The following ZNF98 variants were observed in gnomAD, a reference collection of about 807,000 sequenced individuals.
ZNF98 encodes the protein zinc finger protein 98.
ZNF98 carries 8 observed loss-of-function variants against 12.8 expected under a neutral mutation model. The ratio of observed to expected loss-of-function variants is 0.63; its 90% confidence interval spans 0.37 to 1.13. ZNF98 has a LOEUF of 1.13. Among genes scored for constraint, ZNF98 ranks in the 50% most tolerant of loss-of-function variants. The pLI, the probability that ZNF98 is intolerant of heterozygous loss-of-function variation, is 0.01. For missense variants in ZNF98, 379 were observed against 666.1 expected (o/e 0.57, Z 4.74); for synonymous variants, 112 against 223.5 (o/e 0.50, Z 4.45).
In ZNF98 at chr19:22,415,097, G is replaced by A. The variant is rs111912694; in HGVS notation, c.30+7098C>T. ...TGAAAAAGATTTTTTTTTCAAAGAA[G>A]ACACACATGTGGCTAACAAGCATAT... On this transcript the variant is annotated intron_variant, in intron 1 of 3. Transcript: ENST00000357774. Among the ~76,000 whole-genome samples, 511 of 150,830 alleles carry A rather than the reference G, an allele frequency of 3.4e-3. 5 individuals are homozygous for A. The highest frequency in any genetic ancestry group is 0.012 in the African/African-American group (496 of 41,158).
chr19:22,404,047 T>G (rs1177081894), intron 1 of ZNF98, among the ~76,000 whole-genome samples: 1 of 152,100 alleles, frequency 6.6e-6, no homozygotes, highest in African/African-American at 2.4e-5. Flanking sequence ...AGTGAAACCC[T>G]GGCTCTACTA....
intron 1 of ZNF98, among the ~76,000 whole-genome samples, chr19:22,413,253 T>TAA (rs34089940): frequency 1.3e-5 from 2 of 151,258 alleles, no homozygotes; most frequent in Non-Finnish European, 2.9e-5. Flanking sequence ...TTAGGCAAGA[T>TAA]AAAAAAATAA....
chr19:22,400,409 C>G (rs1369312217), intron 3 of ZNF98, among the ~76,000 whole-genome samples: 13 of 152,090 alleles, frequency 8.5e-5, no homozygotes, highest in Non-Finnish European at 1.8e-4. Context: ...TATGCAGACC[C>G]AAGTGCAGAA....
chr19:22,414,239 A>AAAAAG (rs1386406075), intron 1 of ZNF98, among the ~76,000 whole-genome samples: 96 of 64,826 alleles, frequency 1.5e-3, no homozygotes, highest in African/African-American at 3.2e-3. Context: ...TCTCAAAAAA[A>AAAAAG]AAAAAAAAAA....
intron 1 of ZNF98, among the ~76,000 whole-genome samples, chr19:22,420,661 C>G (rs1192431981): frequency 6.6e-6 from 1 of 151,070 alleles, no homozygotes; most frequent in African/African-American, 2.4e-5. Flanking sequence ...GACTTAGGAG[C>G]TGATATTCAC....
intron 1 of ZNF98, among the ~76,000 whole-genome samples, chr19:22,421,309 A>C (rs1969700809): frequency 6.6e-6 from 1 of 152,228 alleles, no homozygotes; most frequent in African/African-American, 2.4e-5. Flanking sequence ...GAAGAAACTG[A>C]AAATTCAGTA....
chr19:22,398,296 AGTT>A (rs1470166852), intron 3 of ZNF98, among the ~76,000 whole-genome samples: 17 of 152,284 alleles, frequency 1.1e-4, no homozygotes, highest in Middle Eastern at 3.4e-3. Context: ...AAAAATTGGT[AGTT>A]GTTTAATGTG....
chr19:22,401,807 G>A (rs1042128916), intron 3 of ZNF98, among the ~76,000 whole-genome samples: 38 of 151,622 alleles, frequency 2.5e-4, no homozygotes, highest in African/African-American at 7.5e-4. Flanking sequence ...TTAAAGTGCC[G>A]TGTTATCTAC....
intron 1 of ZNF98, among the ~76,000 whole-genome samples, chr19:22,416,841 A>T (rs1969649673): frequency 6.6e-6 from 1 of 152,194 alleles, no homozygotes; most frequent in African/African-American, 2.4e-5. Context: ...ACACACACAC[A>T]GATCATGTCC....
chr19:22,397,212 T>TTTGTGTGTGTG (rs368992859), intron 3 of ZNF98, among the ~76,000 whole-genome samples: 197 of 145,322 alleles, frequency 1.4e-3, no homozygotes, highest in African/African-American at 4.7e-3. Flanking sequence ...GTGTGTGTTT[T>TTTGTGTGTGTG]TGTGTGTGTG....
intron 1 of ZNF98, among the ~76,000 whole-genome samples, chr19:22,404,881 T>C (rs1969502436): frequency 6.6e-6 from 1 of 152,032 alleles, no homozygotes; most frequent in Non-Finnish European, 1.5e-5. Flanking sequence ...CTGCATAGAG[T>C]TAATGGAGAA....
intron 3 of ZNF98, chr19:22,402,368 A>AG (rs199598754): frequency 5.1e-6 from 2 of 393,884 alleles, no homozygotes; most frequent in African/African-American, 2.1e-5. Flanking sequence ...TTAGCAATAA[A>AG]AAACCAATGG....
intron 1 of ZNF98, among the ~76,000 whole-genome samples, chr19:22,404,080 C>A (rs557594557): frequency 5.9e-5 from 9 of 152,164 alleles, no homozygotes; most frequent in Admixed American, 6.5e-5. Flanking sequence ...ATTAGCCAGG[C>A]GTGGAGGCGA....
intron 1 of ZNF98, among the ~76,000 whole-genome samples, chr19:22,409,020 C>A (rs1171603580): frequency 2.0e-5 from 3 of 152,152 alleles, no homozygotes; most frequent in Non-Finnish European, 4.4e-5. Context: ...AGAGGCATCA[C>A]ACTACCTGAC....
At chr19:22,405,797 C>A (rs1382593402) in intron 1 of ZNF98, among the ~76,000 whole-genome samples, 2 of 152,150 alleles carry the variant, frequency 1.3e-5, no homozygotes, top group Non-Finnish European at 2.9e-5. Context: ...CTCTACAGCT[C>A]CTGGCAGGCT....
At chr19:22,420,945 T>A (rs1025805624) in intron 1 of ZNF98, among the ~76,000 whole-genome samples, 1 of 152,208 alleles carries the variant, frequency 6.6e-6, no homozygotes, top group Non-Finnish European at 1.5e-5. Context: ...ACAGAAAACA[T>A]ATCTTTTTCT....
At chr19:22,397,047 A>G (rs1248648951) in intron 3 of ZNF98, among the ~76,000 whole-genome samples, 4 of 150,296 alleles carry the variant, frequency 2.7e-5, no homozygotes, top group Non-Finnish European at 5.9e-5. Context: ...TGAACCTAGG[A>G]GGCAGAGGTT....
chr19:22,400,374 C>G (rs1969442802), intron 3 of ZNF98, among the ~76,000 whole-genome samples: 1 of 152,290 alleles, frequency 6.6e-6, no homozygotes, highest in African/African-American at 2.4e-5. Flanking sequence ...CCAAACTCAT[C>G]TACATCCTAA....
chr19:22,400,466 C>T (rs994470914), intron 3 of ZNF98, among the ~76,000 whole-genome samples: 3 of 151,814 alleles, frequency 2.0e-5, no homozygotes, highest in Admixed American at 1.3e-4. Flanking sequence ...GAAGGATACT[C>T]ACTCTGTCCA....
Sources: allele counts gnomAD v4.1 joint callset (sites outside exome capture counted in the v4.1 genomes callset), GRCh38; gene constraint gnomAD v4.1.1; transcripts MANE v1.5; gene names NCBI Gene and HGNC (gene_info 2026-07-23, HGNC 2026-07-21).